The following SEMA3A variants were observed in gnomAD, a reference collection of about 807,000 sequenced individuals.
SEMA3A encodes the protein semaphorin 3A.
In SEMA3A, 29 loss-of-function variants were observed where a neutral mutation model predicts 97.9. That is an observed-to-expected ratio of 0.30 (90% confidence interval 0.22 to 0.40). The LOEUF (loss-of-function observed/expected upper bound fraction) is 0.40, where lower values mean the gene tolerates loss of function less well. Among genes scored for constraint, SEMA3A ranks in the 10% least tolerant of loss-of-function variants. The pLI, the probability that SEMA3A is intolerant of heterozygous loss-of-function variation, is 1.00. For missense variants in SEMA3A, 763 were observed against 951.3 expected (o/e 0.80, Z 2.60); for synonymous variants, 321 against 323.7 (o/e 0.99, Z 0.09).
rs141409071 is a variant in SEMA3A, at chr7:84,127,679, T to C, written c.333+1444A>G. Among the ~76,000 whole-genome samples the C allele has an allele frequency of 8.1e-4, 124 of 152,334 alleles. 1 individual carries two copies. The highest frequency in any genetic ancestry group is 2.8e-3 in the African/African-American group (117 of 41,584). ...TCCTTTATCTAACTTCCTTCACCTATAGGCAACATTGCTGCTAGATTGAGT... is the reference window on the plus strand; with the variant it reads ...TCCTTTATCTAACTTCCTTCACCTACAGGCAACATTGCTGCTAGATTGAGT... On this transcript the variant is annotated intron_variant, in intron 3 of 16. Transcript: ENST00000265362.
At chr7:83,999,924 A>G (rs1790371766) in intron 12 of SEMA3A, among the ~76,000 whole-genome samples, 2 of 151,938 alleles carry the variant, frequency 1.3e-5, no homozygotes, top group African/African-American at 4.8e-5. Context: ...TTCCTAGTTT[A>G]TCTTTCTCAT....
chr7:84,305,895 A>AAT (rs1801141664), intron 3 of SEMA3A, among the ~76,000 whole-genome samples: 1 of 151,774 alleles, frequency 6.6e-6, no homozygotes, highest in African/African-American at 2.4e-5. Context: ...CCAAATAATG[A>AAT]ATATATACAC....
At chr7:84,155,432 C>T (rs1447355259) in intron 1 of SEMA3A, among the ~76,000 whole-genome samples, 2 of 152,120 alleles carry the variant, frequency 1.3e-5, no homozygotes, top group Non-Finnish European at 2.9e-5. Context: ...GTGCTTTGGG[C>T]AGGTATGCTT....
intron 1 of SEMA3A, among the ~76,000 whole-genome samples, chr7:84,146,359 C>G (rs2116095166): frequency 6.6e-6 from 1 of 152,180 alleles, no homozygotes; most frequent in South Asian, 2.1e-4. Flanking sequence ...TCGCCATTAA[C>G]AGTTGCAGAG....
intron 3 of SEMA3A, among the ~76,000 whole-genome samples, chr7:84,203,492 T>TTGTG (rs200700704): frequency 4.9e-4 from 61 of 123,998 alleles, no homozygotes; most frequent in Middle Eastern, 4.1e-3. Context: ...AAGTATTTCT[T>TTGTG]TGTGTGTGTG....
chr7:84,378,112 G>C (rs1486666316), intron 1 of SEMA3A, among the ~76,000 whole-genome samples: 1 of 152,088 alleles, frequency 6.6e-6, no homozygotes, highest in East Asian at 1.9e-4. Flanking sequence ...GGTGAGAACA[G>C]ATTATCTAAG....
At chr7:84,144,447 T>C (rs547257035) in intron 1 of SEMA3A, among the ~76,000 whole-genome samples, 2 of 152,062 alleles carry the variant, frequency 1.3e-5, no homozygotes, top group South Asian at 2.1e-4. Flanking sequence ...AATATGATAA[T>C]AGAAATGAAA....
intron 1 of SEMA3A, among the ~76,000 whole-genome samples, chr7:84,466,205 C>T (rs565493582): frequency 2.6e-5 from 4 of 152,154 alleles, no homozygotes; most frequent in South Asian, 2.1e-4. Flanking sequence ...CGGAGTTTTG[C>T]TCTTGTCACC....
intron 2 of SEMA3A, among the ~76,000 whole-genome samples, chr7:84,354,815 A>C (rs1802518270): frequency 6.6e-6 from 1 of 151,732 alleles, no homozygotes; most frequent in South Asian, 2.1e-4. Flanking sequence ...ATAGTTGTAT[A>C]ATTGGTGTTT....
chr7:84,095,518 G>T (rs1419470825), intron 4 of SEMA3A, among the ~76,000 whole-genome samples: 5 of 150,264 alleles, frequency 3.3e-5, no homozygotes, highest in Non-Finnish European at 7.4e-5. Flanking sequence ...AAGGTCTGAG[G>T]CTATAAATAA....
intron 1 of SEMA3A, among the ~76,000 whole-genome samples, chr7:84,153,366 T>C (rs968828356): frequency 3.9e-5 from 6 of 152,182 alleles, no homozygotes; most frequent in African/African-American, 1.4e-4. Flanking sequence ...ATTTGAACTA[T>C]CAGTAGTTCA....
intron 12 of SEMA3A, among the ~76,000 whole-genome samples, chr7:83,992,674 G>C (rs1161997280): frequency 6.6e-6 from 1 of 151,460 alleles, no homozygotes; most frequent in Admixed American, 6.6e-5. Flanking sequence ...TTGCACTGTG[G>C]TCTGAGAGAT....
intron 1 of SEMA3A, among the ~76,000 whole-genome samples, chr7:84,155,821 A>G (rs1014332750): frequency 6.6e-6 from 1 of 152,122 alleles, no homozygotes; most frequent in African/African-American, 2.4e-5. Flanking sequence ...AAACATATTT[A>G]GTTTAACTGT....
chr7:84,194,641 G>T lies in SEMA3A; in HGVS notation c.-55C>A. The T allele has an allele frequency of 9.0e-7, 1 of 1,115,058 alleles. No individual in the cohort carries two copies. Among genetic ancestry groups the T allele is most frequent in the Non-Finnish European group, 1.4e-6 (1 of 737,610 alleles). 69.1% of individuals were successfully genotyped at this position (1,115,058 alleles called of 1,614,324 possible). ...TTTAGTCTTCCTTCCTGTATTGTGC[G>T]GCCAGAGAAGTTCAAACAATCTGGA... On this transcript the variant is annotated 5_prime_UTR_variant, in exon 1 of 17. Transcript: ENST00000265362.
chr7:84,078,988 C>T (rs1794054572), intron 4 of SEMA3A, among the ~76,000 whole-genome samples: 1 of 151,936 alleles, frequency 6.6e-6, no homozygotes, highest in African/African-American at 2.4e-5. Context: ...GTTGAATTGA[C>T]TTTTAGGTCA....
rs1014741827 is a variant in SEMA3A, at chr7:84,053,710, A to G, written c.547+6755T>C. On this transcript the variant is annotated intron_variant, in intron 5 of 16. Coordinates refer to ENST00000265362, the MANE Select transcript of SEMA3A (RefSeq NM_006080.3). The stretch of plus-strand genomic sequence containing the variant: ...TTTAATTGGAGCATTTAGTCCATTT[A>G]CATTTAAAGTTAATATTGTTATGTG... Among the ~76,000 whole-genome samples the G allele has an allele frequency of 4.7e-3, 706 of 150,114 alleles. 7 individuals carry two copies. Among genetic ancestry groups the G allele is most frequent in the African/African-American group, 0.016 (658 of 41,224 alleles).
At position 83,998,351 on chromosome 7, in the gene SEMA3A, TGTATCTAAAC is replaced by T. The variant is rs1337776599; in HGVS notation, c.1452+3594_1452+3603del. On this transcript the variant is annotated intron_variant, in intron 12 of 16. Coordinates refer to ENST00000265362, the MANE Select transcript of SEMA3A (RefSeq NM_006080.3). ...ATGATAACACAATAGTAAGTATTTGTGTATCTAAACGTATCTAAACATAGAAAAGGTACAA... is the reference window on the plus strand; with the variant it reads ...ATGATAACACAATAGTAAGTATTTGTGTATCTAAACATAGAAAAGGTACAA... Among the ~76,000 whole-genome samples, 5 of 152,330 alleles carry T rather than the reference TGTATCTAAAC, an allele frequency of 3.3e-5. No individual in the cohort carries two copies. In the East Asian group the frequency reaches 7.7e-4, roughly 24 times the overall value.
chr7:84,005,423 C>A lies in SEMA3A; in HGVS notation c.1276G>T (p.Asp426Tyr), dbSNP rs1430346159. Reference sequence around the variant, plus strand: ...ATTTGTGTAAATTGATAATTTACATCCGTTTTGATCACTATTGGGCGATTG... The same window carrying A: ...ATTTGTGTAAATTGATAATTTACATACGTTTTGATCACTATTGGGCGATTG... The part of the protein sequence containing the change: ...MNNRPIVIKT[D>Y]VNYQFTQIVV... The change falls in exon 11 of 17, where the codon GAT becomes TAT. Residue 426 changes from aspartate to tyrosine, a missense_variant. Physicochemically the swap from Asp to Tyr is radical, Grantham distance 160. This residue lies in a region of SEMA3A where 678 missense variants were observed against 881.3 expected (regional missense o/e 0.77). Transcript: ENST00000265362. 6.2e-7 allele frequency: 1 copy of A among 1,613,650 alleles called. No individual in the cohort carries two copies. Among genetic ancestry groups the A allele is most frequent in the Middle Eastern group, 1.6e-4 (1 of 6,062 alleles).
chr7:84,325,592 G>A (rs866755525), intron 2 of SEMA3A, among the ~76,000 whole-genome samples: 1 of 151,958 alleles, frequency 6.6e-6, no homozygotes, highest in Non-Finnish European at 1.5e-5. Context: ...CGATATATGA[G>A]GGAGTATAAC....
Sources: gnomAD v4.1 joint callset for allele counts (sites outside exome capture counted in the v4.1 genomes callset) on GRCh38, gnomAD v4.1.1 for gene constraint, gnomAD v4.1.1 regional missense constraint, MANE v1.5 for transcripts, NCBI Gene and HGNC (gene_info 2026-07-23, HGNC 2026-07-21) for gene names.